The following ATAD2 variants were observed in gnomAD, a reference collection of about 807,000 sequenced individuals.
ATAD2 encodes the protein ATPase family AAA domain-containing protein 2.
A neutral mutation model predicts 168.9 loss-of-function variants in ATAD2; 62 were observed. The ratio of observed to expected loss-of-function variants is 0.37; its 90% CI spans 0.30 to 0.45. The LOEUF is 0.45. Among genes scored for constraint, ATAD2 ranks in the 20% least tolerant of loss-of-function variants. The pLI is 1.00. For synonymous variants in ATAD2, 613 were observed against 571.6 expected (o/e 1.07, Z -1.03); for missense variants, 1,419 against 1,667.8 (o/e 0.85, Z 2.60).
At chr8:123,345,825 G>A (rs545561639) in intron 18 of ATAD2, among the ~76,000 whole-genome samples, 1 of 152,300 alleles carries the variant, frequency 6.6e-6, no homozygotes, top group South Asian at 2.1e-4. Flanking sequence ...GCCATGTGAG[G>A]TAAGTAGTAT....
intron 1 of ATAD2, among the ~76,000 whole-genome samples, chr8:123,406,749 G>A (rs985156021): frequency 6.6e-6 from 1 of 151,200 alleles, no homozygotes; most frequent in East Asian, 2.0e-4. Flanking sequence ...CCTGGGAGGT[G>A]GAGGCTGCAG....
rs969624292 is a variant in ATAD2 at position 123,344,494 on chromosome 8, A to G, written c.2718+390T>C. On this transcript the variant is annotated intron_variant, in intron 19 of 27. Coordinates refer to ENST00000287394, the MANE Select transcript of ATAD2 (RefSeq NM_014109.4). ...CCGAGTAGCTGGGACTGCAGGCGCCAGCCACCACGTCCAGCTAATTTTTTT... is the reference window on the plus strand; with the variant it reads ...CCGAGTAGCTGGGACTGCAGGCGCCGGCCACCACGTCCAGCTAATTTTTTT... 5 of 180,158 alleles carry G rather than the reference A, an allele frequency of 2.8e-5. No individual in the cohort carries two copies. The East Asian group carries it at 7.7e-4, about 28-fold the overall frequency. The allele number at this position is 180,158 out of a possible 1,614,324, so 11.2% of individuals were successfully genotyped here.
chr8:123,410,285 T>G (rs977013888), intron 1 of ATAD2, among the ~76,000 whole-genome samples: 2 of 152,020 alleles, frequency 1.3e-5, no homozygotes, highest in Non-Finnish European at 2.9e-5. Flanking sequence ...ATCATATTAT[T>G]TATTTATTTA....
intron 4 of ATAD2, 51 bp downstream of exon 4, chr8:123,371,619 C>T (rs1829150674): frequency 2.0e-6 from 3 of 1,503,806 alleles, no homozygotes; most frequent in Non-Finnish European, 2.7e-6. Context: ...TCCTCCCCAA[C>T]AAAAAGTCTC....
At chr8:123,367,701 G>C (rs565678040) in intron 8 of ATAD2, among the ~76,000 whole-genome samples, 1 of 152,306 alleles carries the variant, frequency 6.6e-6, no homozygotes, top group South Asian at 2.1e-4. Context: ...AAAGCCCTGA[G>C]AGACTGAGTT....
intron 8 of ATAD2, among the ~76,000 whole-genome samples, chr8:123,365,128 C>T (rs1828935323): frequency 6.6e-6 from 1 of 152,042 alleles, no homozygotes; most frequent in South Asian, 2.1e-4. Flanking sequence ...CTACTATATA[C>T]CAACAGTGGC....
intron 1 of ATAD2, among the ~76,000 whole-genome samples, chr8:123,387,525 T>C (rs1308788428): frequency 6.6e-6 from 1 of 152,144 alleles, no homozygotes; most frequent in Non-Finnish European, 1.5e-5. Context: ...AGAAAAAAAT[T>C]CCTAAAAACT....
intron 19 of ATAD2, chr8:123,344,656 A>C: frequency 4.2e-6 from 2 of 475,574 alleles, no homozygotes; most frequent in Non-Finnish European, 7.5e-6. Flanking sequence ...ATATAATACC[A>C]TTTTTCAAGA....
chr8:123,322,001 T>C (rs78101938), intron 27 of ATAD2, among the ~76,000 whole-genome samples: 3 of 151,794 alleles, frequency 2.0e-5, no homozygotes, highest in Non-Finnish European at 1.5e-5. Context: ...TTTTTTTTTT[T>C]TTGTCATACA....
At chr8:123,358,723 CTTTTTTTTTTTTTT>C (rs772822406) in intron 11 of ATAD2, among the ~76,000 whole-genome samples, 1 of 76,852 alleles carries the variant, frequency 1.3e-5, no homozygotes, top group Admixed American at 1.7e-4. Context: ...TGGTACATTA[CTTTTTTTTTTTTTT>C]TTTTTTTTTT....
intron 24 of ATAD2, among the ~76,000 whole-genome samples, chr8:123,333,026 C>G (rs1411737371): frequency 6.6e-6 from 1 of 151,540 alleles, no homozygotes; most frequent in Admixed American, 6.6e-5. Flanking sequence ...ACTTGCAATA[C>G]AATAGAAGGT....
In ATAD2 at chr8:123,357,545, A is replaced by C. The variant is rs200362216; in HGVS notation, c.1557+17T>G. 1 of 1,599,476 alleles carries C rather than the reference A, an allele frequency of 6.3e-7. No homozygotes were observed. Among genetic ancestry groups the C allele is most frequent in the Non-Finnish European group, 8.5e-7 (1 of 1,174,054 alleles). ...GATTACAGAACTATCCAGATATATA[A>C]AATGTTAATATCATACCTGATCAAA... On this transcript the variant is annotated intron_variant, in intron 12 of 27. Transcript: ENST00000287394.
In ATAD2 at chr8:123,361,549, C is replaced by A; in HGVS notation, c.1147G>T (p.Ala383Ser). ...CAATATGGCACTTACCTATTGATAG[C>A]CCTATTACGACTCCTTTTCCTCCGC... The part of the protein sequence containing the change: ...ERRRKRSRNR[A>S]INRCLPLNFR... Residue 383 changes from alanine to serine, a missense_variant, in exon 9 of 28, where the codon GCT becomes TCT. Transcript: ENST00000287394. The A allele has an allele frequency of 3.1e-6, 5 of 1,612,486 alleles. No homozygotes were observed. The highest frequency in any genetic ancestry group is 4.2e-6 in the Non-Finnish European group (5 of 1,178,834).
Position 123,378,494 on chromosome 8 carries a change from G to C in ATAD2, c.320+2035C>G, listed in dbSNP as rs1282172552. Among the ~76,000 whole-genome samples, 4 of 151,968 alleles carry C rather than the reference G, an allele frequency of 2.6e-5. No homozygotes were observed. In the East Asian group the frequency reaches 7.7e-4, roughly 29 times the overall value. On this transcript the variant is annotated intron_variant, in intron 2 of 27. Coordinates refer to ENST00000287394, the MANE Select transcript of ATAD2 (RefSeq NM_014109.4). Reference sequence around the variant, plus strand: ...AGGTGGGTGGATCACCTGAAGTCAGGAGTTCGAGACCAGCCTGGCCAACAT... The same window carrying C: ...AGGTGGGTGGATCACCTGAAGTCAGCAGTTCGAGACCAGCCTGGCCAACAT...
At chr8:123,410,605 A>G (rs72724209) in intron 1 of ATAD2, among the ~76,000 whole-genome samples, 28,506 of 151,802 alleles carry the variant, frequency 0.19, 3,190 homozygotes, top group Non-Finnish European at 0.26. Flanking sequence ...TTTATGATCT[A>G]TTTTTTTCAA....
upstream of ATAD2, among the ~76,000 whole-genome samples, chr8:123,397,240 CAAAAAAAAA>C (rs71310670): frequency 7.5e-5 from 3 of 40,036 alleles, no homozygotes; most frequent in African/African-American, 1.9e-4. Context: ...GACTCTGTCT[CAAAAAAAAA>C]AAAAAAAAAA....
At chr8:123,325,600 T>A (rs1252330020) in intron 26 of ATAD2, among the ~76,000 whole-genome samples, 2 of 151,962 alleles carry the variant, frequency 1.3e-5, no homozygotes, top group Non-Finnish European at 2.9e-5. Context: ...TTTTTATTTT[T>A]AGTAAAGACA....
Position 123,372,652 on chromosome 8 carries a change from CTT to C in ATAD2, c.353_354del (p.Lys118ArgfsTer18). The C allele has an allele frequency of 1.3e-6, 2 of 1,565,854 alleles. No individual in the cohort carries two copies. The highest frequency in any genetic ancestry group is 8.7e-7 in the Non-Finnish European group (1 of 1,151,078). ...CAGTACTTACCTTCTCTGTGCTCTTCTTTTTTTTTATCAGCCTGCTGTCTGGC... is the reference window on the plus strand; with the variant it reads ...CAGTACTTACCTTCTCTGTGCTCTTCTTTTTTTATCAGCCTGCTGTCTGGC... ...QLARQQADKKKEEHREDKVIP... is the reference protein window; with the variant it reads ...QLARQQADKKXEEHREDKVIP... On this transcript the variant is annotated frameshift_variant, in exon 3 of 28. Coordinates refer to ENST00000287394, the MANE Select transcript of ATAD2 (RefSeq NM_014109.4). LOFTEE classifies it high-confidence loss of function.
intron 19 of ATAD2, among the ~76,000 whole-genome samples, chr8:123,340,494 T>G (rs1404299360): frequency 6.6e-6 from 1 of 152,128 alleles, no homozygotes; most frequent in Non-Finnish European, 1.5e-5. Context: ...AAACAAAAAC[T>G]CAAATGAGTA....
Sources: allele counts gnomAD v4.1 joint callset (sites outside exome capture counted in the v4.1 genomes callset), GRCh38; gene constraint gnomAD v4.1.1; transcripts MANE v1.5; gene names NCBI Gene and HGNC (gene_info 2026-07-23, HGNC 2026-07-21).